PTPN23: variants seen among roughly 807,000 people sequenced by gnomAD.
The protein encoded by PTPN23 is protein tyrosine phosphatase non-receptor type 23.
A neutral mutation model predicts 156.3 loss-of-function variants in PTPN23; 72 were observed. The observed-to-expected ratio is 0.46, with a 90% confidence interval of 0.38 to 0.56. PTPN23 has a LOEUF of 0.56. PTPN23 is among the 20% of genes least tolerant of loss of function. The pLI is 0.00. For missense variants in PTPN23, 1,974 were observed against 2,171.5 expected, an observed-to-expected ratio of 0.91 and a Z score of 1.81; for synonymous variants, 957 against 899.6, an observed-to-expected ratio of 1.06 and a Z score of -1.14.
chr3:47,384,950 C>G (rs536993965), intron 1 of PTPN23, among the ~76,000 whole-genome samples: 2 of 152,030 alleles, frequency 1.3e-5, no homozygotes, highest in Non-Finnish European at 2.9e-5. Context: ...TTAGTAGAGA[C>G]GGGGTTTCTC....
chr3:47,407,116 G>A lies in PTPN23; in HGVS notation c.808-14G>A, dbSNP rs1576226034. On this transcript the variant is annotated splice_polypyrimidine_tract_variant and intron_variant, in intron 9 of 24. Coordinates refer to ENST00000265562, the MANE Select transcript of PTPN23 (RefSeq NM_015466.4). This position sits in a 1 kb window ranked among gnomAD's most constrained non-coding sequence, Gnocchi z 4.0. ...AGAGGAGGACAGAGCAGGCTTTCCT[G>A]CCACCCTCCACAGGTTGCATACTTC... 6.2e-7 allele frequency: 1 copy of A among 1,613,908 alleles called. No individual in the cohort carries two copies. Among genetic ancestry groups the A allele is most frequent in the Non-Finnish European group, 8.5e-7 (1 of 1,179,900 alleles).
intron 2 of PTPN23, among the ~76,000 whole-genome samples, chr3:47,402,303 C>T (rs1053597175): frequency 1.3e-5 from 2 of 151,580 alleles, no homozygotes; most frequent in African/African-American, 2.4e-5. Flanking sequence ...TATTTGAGAC[C>T]GAGTCTCACT....
In PTPN23 at chr3:47,407,016, G is replaced by T. The variant is rs1705142966; in HGVS notation, c.808-114G>T. The T allele has an allele frequency of 7.2e-7, 1 of 1,395,838 alleles. No individual in the cohort carries two copies. The highest frequency in any genetic ancestry group is 9.9e-7 in the Non-Finnish European group (1 of 1,005,120). 86.5% of individuals were successfully genotyped at this position (1,395,838 alleles called of 1,614,324 possible). On this transcript the variant is annotated intron_variant, in intron 9 of 24. Coordinates refer to ENST00000265562, the MANE Select transcript of PTPN23 (RefSeq NM_015466.4). The surrounding 1 kb of genome is among the most constrained non-coding windows in gnomAD (Gnocchi z 4.0). The stretch of plus-strand genomic sequence containing the variant: ...CTGCTGTTGGCTGGGGTGGTGCCCG[G>T]CTGCCTCCTGAGCTGCTTGTCATCT...
At chr3:47,401,331 T>C (rs1286078026) in intron 2 of PTPN23, among the ~76,000 whole-genome samples, 1 of 152,034 alleles carries the variant, frequency 6.6e-6, no homozygotes, top group Non-Finnish European at 1.5e-5. Context: ...CCTGTAGTCC[T>C]GAGTAGCTGG....
In PTPN23 at chr3:47,410,047, C is replaced by G. The variant is rs769041406; in HGVS notation, c.2249C>G (p.Pro750Arg). The change falls in exon 20 of 25, where the codon CCT (proline) becomes CGT (arginine). Residue 750 changes from proline to arginine, a missense_variant. Physicochemically the swap from Pro to Arg is moderately radical, Grantham distance 103. This residue lies in a region of PTPN23 where 731 missense variants were observed against 669.1 expected (regional missense o/e 1.09). Transcript: ENST00000265562. The part of the protein sequence containing the change: ...DPPEELRSLP[P>R]DMVAGPRLPD... ...CCTGAGGAGCTGCGCAGCCTCCCCC[C>G]TGACATGGTGGCTGGCCCACGACTG... is the stretch of plus-strand genomic sequence containing the variant. The G allele has an allele frequency of 3.1e-6, 5 of 1,611,734 alleles. No homozygotes were observed. The highest frequency in any genetic ancestry group is 2.5e-6 in the Non-Finnish European group (3 of 1,179,112).
chr3:47,392,067 G>A (rs542310852), intron 1 of PTPN23, among the ~76,000 whole-genome samples: 2 of 152,230 alleles, frequency 1.3e-5, no homozygotes, highest in East Asian at 3.9e-4. Flanking sequence ...TGTGCTTTTT[G>A]TAGAAATGGG....
Position 47,407,776 on chromosome 3 carries a change from A to G in PTPN23, c.1083A>G (p.Val361=), listed in dbSNP as rs1705164890. The G allele has an allele frequency of 1.2e-6, 2 of 1,614,100 alleles. No individual in the cohort carries two copies. The highest frequency in any genetic ancestry group is 3.3e-4 in the Middle Eastern group (2 of 6,062). The change falls in exon 13 of 25, where the codon GTA becomes GTG. Residue 361 remains valine (V), a synonymous_variant. Coordinates refer to ENST00000265562, the MANE Select transcript of PTPN23 (RefSeq NM_015466.4). This position sits in a 1 kb window ranked among gnomAD's most constrained non-coding sequence, Gnocchi z 4.0. ...VTGPDIFAKL[V]PMAAHEASSL... The stretch of plus-strand genomic sequence containing the variant: ...GCCCTGACATCTTTGCCAAACTGGT[A>G]CCCATGGCTGCCCACGAGGCCTCGT...
chr3:47,387,376 G>A (rs1704674777), intron 1 of PTPN23, among the ~76,000 whole-genome samples: 1 of 149,242 alleles, frequency 6.7e-6, no homozygotes, highest in Non-Finnish European at 1.5e-5. Context: ...AGACTAACCT[G>A]GGCAACAAAG....
At position 47,411,912 on chromosome 3, in the gene PTPN23, G is replaced by C. The variant is rs1273104969; in HGVS notation, c.4018G>C (p.Asp1340His). The change falls in exon 21 of 25, where the codon GAC (aspartate) becomes CAC (histidine). Residue 1340 changes from aspartate (D) to histidine (H), a missense_variant. Asp to His is a moderately conservative substitution (Grantham distance 81, BLOSUM62 -1). Transcript: ENST00000265562. The surrounding 1 kb of genome is among the most constrained non-coding windows in gnomAD (Gnocchi z 6.3). ...GCGCGTGCTGAGCCTGCAGTTCCGA[G>C]ACCAGAGCCTCAAGCGCTCTCTTGT... Reference protein sequence around the residue: ...VERVLSLQFRDQSLKRSLVHL... With the variant: ...VERVLSLQFRHQSLKRSLVHL... The C allele has an allele frequency of 1.2e-6, 2 of 1,613,288 alleles. No homozygotes were observed. Among genetic ancestry groups the C allele is most frequent in the Non-Finnish European group, 1.7e-6 (2 of 1,179,996 alleles).
rs1705237029 is a variant in PTPN23 at position 47,410,224 on chromosome 3, G to A, written c.2426G>A (p.Gly809Glu). 6.2e-7 allele frequency: 1 copy of A among 1,611,398 alleles called. No individual in the cohort carries two copies. The change falls in exon 20 of 25, where the codon GGG becomes GAG. Residue 809 changes from glycine (G) to glutamate (E), a missense_variant. Gly to Glu is a moderately conservative substitution (Grantham distance 98). Coordinates refer to ENST00000265562, the MANE Select transcript of PTPN23 (RefSeq NM_015466.4). ...CAGCTGATACAGCCCAGGGCCCCAG[G>A]GCCCCATGCAATGCCCGTAGCACCT... ...PTQLIQPRAP[G>E]PHAMPVAPGP...
In PTPN23 at chr3:47,412,507, T is replaced by C. The variant is rs745516552; in HGVS notation, c.4318-7T>C. The C allele has an allele frequency of 1.2e-6, 2 of 1,612,940 alleles. No individual in the cohort carries two copies. The highest frequency in any genetic ancestry group is 1.7e-6 in the Non-Finnish European group (2 of 1,179,730). On this transcript the variant is annotated splice_polypyrimidine_tract_variant and splice_region_variant and intron_variant, in intron 23 of 24. Coordinates refer to ENST00000265562, the MANE Select transcript of PTPN23 (RefSeq NM_015466.4). ...CCCAGCTGACCTGGCCAAATGCACC[T>C]GTGCAGCTGCACCTCAGGTTCTGCT... is the stretch of plus-strand genomic sequence containing the variant.
Position 47,405,145 on chromosome 3 carries a change from T to C in PTPN23, c.364+64T>C. ...GTCCTGCCAGCCTAGCTTTCAGCTCTTCAGATGGCCACAAAGGCAGTGGGC... is the reference window on the plus strand; with the variant it reads ...GTCCTGCCAGCCTAGCTTTCAGCTCCTCAGATGGCCACAAAGGCAGTGGGC... On this transcript the variant is annotated intron_variant, in intron 4 of 24. Transcript: ENST00000265562. This position sits in a 1 kb window ranked among gnomAD's most constrained non-coding sequence, Gnocchi z 4.7. The C allele has an allele frequency of 2.0e-6, 3 of 1,488,928 alleles. No homozygotes were observed. The South Asian group carries it at 3.4e-5, about 17-fold the overall frequency. 92.2% of individuals were successfully genotyped at this position (1,488,928 alleles called of 1,614,324 possible).
intron 1 of PTPN23, among the ~76,000 whole-genome samples, chr3:47,392,399 C>A (rs1704793744): frequency 6.6e-6 from 1 of 152,120 alleles, no homozygotes; most frequent in Admixed American, 6.6e-5. Context: ...ATTGCCCAGG[C>A]TGGTCTGGAA....
At position 47,407,587 on chromosome 3, in the gene PTPN23, C is replaced by CG. The variant is rs1049174332; in HGVS notation, c.1003+7dup. 1 of 1,612,692 alleles carries CG rather than the reference C, an allele frequency of 6.2e-7. No homozygotes were observed. On this transcript the variant is annotated splice_donor_region_variant and intron_variant, in intron 12 of 24. Transcript: ENST00000265562. The surrounding 1 kb of genome is among the most constrained non-coding windows in gnomAD (Gnocchi z 4.0). ...GGACACTCTTCAGCCTGTAAAAGGT[C>CG]GGGGAGCTGAGAGGTGGGGGCAGAG... is the stretch of plus-strand genomic sequence containing the variant.
Position 47,409,269 on chromosome 3 carries a change from A to C in PTPN23, c.1749A>C (p.Lys583Asn). The stretch of plus-strand genomic sequence containing the variant: ...AGCAGCTGCGTGAGCTTATCCAGAA[A>C]GATGACATCACTGCCTCGCTGGTCA... ...LEQQLRELIQKDDITASLVTT... is the reference protein window; with the variant it reads ...LEQQLRELIQNDDITASLVTT... Residue 583 changes from lysine (K) to asparagine (N), a missense_variant, in exon 17 of 25, where the codon AAA becomes AAC. Transcript: ENST00000265562. 1 of 1,614,156 alleles carries C rather than the reference A, an allele frequency of 6.2e-7. No homozygotes were observed. Among genetic ancestry groups the C allele is most frequent in the Non-Finnish European group, 8.5e-7 (1 of 1,180,042 alleles).
At position 47,405,732 on chromosome 3, in the gene PTPN23, G is replaced by C; in HGVS notation, c.365-17G>C. 6.3e-7 allele frequency: 1 copy of C among 1,599,004 alleles called. No individual in the cohort carries two copies. Among genetic ancestry groups the C allele is most frequent in the Non-Finnish European group, 8.5e-7 (1 of 1,173,526 alleles). ...TGAGCAGCCCCAGGCCCCTAACACT[G>C]TCCCCTCCCTCCCCAGGAGCGCTGC... On this transcript the variant is annotated splice_polypyrimidine_tract_variant and intron_variant, in intron 4 of 24. Coordinates refer to ENST00000265562, the MANE Select transcript of PTPN23 (RefSeq NM_015466.4). The surrounding 1 kb of genome is among the most constrained non-coding windows in gnomAD (Gnocchi z 4.7).
chr3:47,405,803 G>A lies in PTPN23; in HGVS notation c.414+5G>A. On this transcript the variant is annotated splice_donor_5th_base_variant and intron_variant, in intron 5 of 24. Coordinates refer to ENST00000265562, the MANE Select transcript of PTPN23 (RefSeq NM_015466.4). The surrounding 1 kb of genome is among the most constrained non-coding windows in gnomAD (Gnocchi z 4.7). ...GACAAGCGGGTGTCTGAGGAGGTGA[G>A]GAGAGGGGCAGTAGTGGAACATGTG... is the stretch of plus-strand genomic sequence containing the variant. 1 of 1,590,978 alleles carries A rather than the reference G, an allele frequency of 6.3e-7. No homozygotes were observed. The highest frequency in any genetic ancestry group is 8.6e-7 in the Non-Finnish European group (1 of 1,168,614).
In PTPN23 at chr3:47,406,318, G is replaced by A. The variant is rs1705122612; in HGVS notation, c.547-7G>A. 15 of 1,613,304 alleles carry A rather than the reference G, an allele frequency of 9.3e-6. No individual in the cohort carries two copies. Among genetic ancestry groups the A allele is most frequent in the South Asian group, 5.5e-5 (5 of 91,082 alleles). ...AGCGAGGGAGTGCACCTCACGTGTC[G>A]CCCCAGGGCCAGGCTCAGGAGTGCC... On this transcript the variant is annotated splice_region_variant and splice_polypyrimidine_tract_variant and intron_variant, in intron 6 of 24. Coordinates refer to ENST00000265562, the MANE Select transcript of PTPN23 (RefSeq NM_015466.4). The surrounding 1 kb of genome is among the most constrained non-coding windows in gnomAD (Gnocchi z 5.8).
chr3:47,385,144 C>G (rs1310812199), intron 1 of PTPN23, among the ~76,000 whole-genome samples: 2 of 152,180 alleles, frequency 1.3e-5, no homozygotes, highest in Non-Finnish European at 2.9e-5. Context: ...AGTGCTGATT[C>G]ACTGGAAACT....
Sources: allele counts gnomAD v4.1 joint callset (sites outside exome capture counted in the v4.1 genomes callset), GRCh38; gene constraint gnomAD v4.1.1; regional missense constraint gnomAD v4.1.1; non-coding constraint Gnocchi (gnomAD v3.1); transcripts MANE v1.5; gene names NCBI Gene and HGNC (gene_info 2026-07-23, HGNC 2026-07-21).